Variants in ARAP2 observed in about 807,000 individuals in gnomAD.
ARAP2 encodes the protein ArfGAP with RhoGAP domain, ankyrin repeat and PH domain 2, also known as arf-GAP with Rho-GAP domain, ANK repeat and PH domain-containing protein 2.
In ARAP2, 148 loss-of-function variants were observed where a neutral mutation model predicts 194.5. The observed-to-expected ratio is 0.76, with a 90% CI of 0.67 to 0.87. The LOEUF (loss-of-function observed/expected upper bound fraction) is 0.87. ARAP2 is among the 40% of genes least tolerant of loss of function. The probability of loss-of-function intolerance (pLI) is 0.00; values close to 1 mark genes in which losing one functional copy is unlikely to be tolerated. For missense variants in ARAP2, 2,128 were observed against 1,989.7 expected (o/e 1.07, Z -1.32); for synonymous variants, 695 against 683.5 (o/e 1.02, Z -0.26).
chr4:36,075,537 T>C (rs748747983), intron 31 of ARAP2, among the ~76,000 whole-genome samples: 2 of 152,036 alleles, frequency 1.3e-5, no homozygotes, highest in Non-Finnish European at 2.9e-5. Flanking sequence ...CTAAATTTAG[T>C]TTCATTCATT....
At chr4:36,111,444 T>C (rs1284810377) in intron 26 of ARAP2, among the ~76,000 whole-genome samples, 1 of 151,992 alleles carries the variant, frequency 6.6e-6, no homozygotes, top group African/African-American at 2.4e-5. Context: ...CAATTTCTAC[T>C]TGTACAGTTG....
At chr4:36,200,931 A>T (rs896795868) in intron 6 of ARAP2, among the ~76,000 whole-genome samples, 2 of 152,242 alleles carry the variant, frequency 1.3e-5, no homozygotes, top group Admixed American at 6.5e-5. Context: ...ACAGGAAAAG[A>T]TAATGTATAC....
chr4:36,149,478 T>G (rs1018385412), intron 16 of ARAP2, among the ~76,000 whole-genome samples: 1 of 152,210 alleles, frequency 6.6e-6, no homozygotes, highest in Non-Finnish European at 1.5e-5. Context: ...CTCCAATGTG[T>G]TATTTGAGGC....
intron 5 of ARAP2, among the ~76,000 whole-genome samples, chr4:36,034,422 C>CT (rs1719556862): frequency 1.3e-5 from 2 of 151,968 alleles, no homozygotes; most frequent in African/African-American, 4.8e-5. Flanking sequence ...ATGGGATTGC[C>CT]TTCCTGATTT....
At chr4:36,105,777 C>T (rs910802611) in intron 27 of ARAP2, among the ~76,000 whole-genome samples, 2 of 151,958 alleles carry the variant, frequency 1.3e-5, no homozygotes, top group African/African-American at 4.8e-5. Flanking sequence ...CACCCTCAGA[C>T]ATACAGAACC....
intron 5 of ARAP2, among the ~76,000 whole-genome samples, chr4:36,031,988 T>G (rs767509196): frequency 6.6e-6 from 1 of 152,172 alleles, no homozygotes; most frequent in Non-Finnish European, 1.5e-5. Context: ...AACTGCTAAT[T>G]CATATTTTTT....
At position 36,150,871 on chromosome 4, in the gene ARAP2, A is replaced by T. The variant is rs1259926457; in HGVS notation, c.2897+29T>A. ...TTATAATTATCTGAAAATACCTTTT[A>T]CCTCCTAATTGTGTAATGACAGACC... On this transcript the variant is annotated intron_variant, in intron 16 of 32. Coordinates refer to ENST00000303965, the MANE Select transcript of ARAP2 (RefSeq NM_015230.4). 5 of 1,592,656 alleles carry T rather than the reference A, an allele frequency of 3.1e-6. No homozygotes were observed. The African/African-American group carries it at 4.1e-5, about 13-fold the overall frequency.
intron 19 of ARAP2, among the ~76,000 whole-genome samples, chr4:36,138,220 T>C (rs1463512261): frequency 1.3e-5 from 2 of 151,756 alleles, no homozygotes; most frequent in Non-Finnish European, 2.9e-5. Flanking sequence ...GAGTGATGTT[T>C]GGTCATTAGA....
intron 9 of ARAP2, among the ~76,000 whole-genome samples, chr4:36,168,988 C>T (rs933710174): frequency 3.9e-5 from 6 of 152,112 alleles, no homozygotes; most frequent in Admixed American, 3.9e-4. Flanking sequence ...CCCAATTATC[C>T]ACAGCTATAC....
intron 19 of ARAP2, among the ~76,000 whole-genome samples, chr4:36,136,921 C>A (rs115794130): frequency 0.029 from 904 of 31,488 alleles, 13 homozygotes; most frequent in African/African-American, 0.099. Context: ...CACACACATA[C>A]ACGCGCGCGC....
At chr4:36,011,148 T>C (rs1453411733) in intron 9 of ARAP2, among the ~76,000 whole-genome samples, 2 of 152,160 alleles carry the variant, frequency 1.3e-5, no homozygotes, top group Admixed American at 6.5e-5. Flanking sequence ...AAACCTACGA[T>C]GGACTTGTCT....
rs138399727 is a variant in ARAP2 at position 36,240,787 on chromosome 4, T to G, written c.-160+3392A>C. Among the ~76,000 whole-genome samples, 198 of 152,314 alleles carry G rather than the reference T, an allele frequency of 1.3e-3. 1 individual carries two copies. Among genetic ancestry groups the G allele is most frequent in the African/African-American group, 4.3e-3 (180 of 41,566 alleles). ...GGAGTAAGGATTGTCTAAGCTATGTTTTGATTATTTTACTTATAGCACAAT... is the reference window on the plus strand; with the variant it reads ...GGAGTAAGGATTGTCTAAGCTATGTGTTGATTATTTTACTTATAGCACAAT... On this transcript the variant is annotated intron_variant, in intron 1 of 32. Coordinates refer to ENST00000303965, the MANE Select transcript of ARAP2 (RefSeq NM_015230.4).
intron 5 of ARAP2, among the ~76,000 whole-genome samples, chr4:36,035,531 G>A (rs1282352366): frequency 6.6e-6 from 1 of 152,152 alleles, no homozygotes; most frequent in Non-Finnish European, 1.5e-5. Flanking sequence ...TATATGCCTA[G>A]TAATAAAATT....
At chr4:36,078,641 A>G (rs1261183808) in intron 31 of ARAP2, among the ~76,000 whole-genome samples, 1 of 152,186 alleles carries the variant, frequency 6.6e-6, no homozygotes. Context: ...ATTAGGCTAA[A>G]TCTTTGAGAC....
Position 36,166,968 on chromosome 4 carries a change from T to C in ARAP2, c.1937A>G (p.Gln646Arg), listed in dbSNP as rs150828757. The stretch of plus-strand genomic sequence containing the variant: ...GTAGGGAGTGATTATTTCAAAAGAT[T>C]GTTTCACAGTTCGGTCCACTTGCTT... ...NVKQVDRTVK[Q>R]SFEIITPYRS... The change falls in exon 10 of 33, where the codon CAA becomes CGA. Residue 646 changes from glutamine (Q) to arginine (R), a missense_variant. By Grantham distance (43) the Gln-to-Arg change is conservative (BLOSUM62 1). Transcript: ENST00000303965. The C allele has an allele frequency of 1.9e-6, 3 of 1,607,602 alleles. No homozygotes were observed. Among genetic ancestry groups the C allele is most frequent in the Non-Finnish European group, 2.5e-6 (3 of 1,177,564 alleles).
chr4:36,147,760 T>A lies in ARAP2; in HGVS notation c.3001-14A>T, dbSNP rs1203224173. 4 of 1,581,070 alleles carry A rather than the reference T, an allele frequency of 2.5e-6. No homozygotes were observed. The highest frequency in any genetic ancestry group is 1.8e-5 in the Admixed American group (1 of 54,130). The stretch of plus-strand genomic sequence containing the variant: ...GGGAACAAAATGCTGTTAAAACAAA[T>A]ACAAAAAAGTAATAAAGACAGTGAA... On this transcript the variant is annotated splice_polypyrimidine_tract_variant and intron_variant, in intron 17 of 32. Transcript: ENST00000303965.
At chr4:36,204,987 C>CAAAAAAAAAAAAAAAAAA (rs754960122) in intron 6 of ARAP2, among the ~76,000 whole-genome samples, 2 of 35,072 alleles carry the variant, frequency 5.7e-5, no homozygotes, top group African/African-American at 2.7e-4. Flanking sequence ...GACTCCATCT[C>CAAAAAAAAAAAAAAAAAA]AAAAAAAAAA....
intron 6 of ARAP2, among the ~76,000 whole-genome samples, chr4:36,197,267 C>T (rs1743319193): frequency 6.6e-6 from 1 of 152,156 alleles, no homozygotes; most frequent in Non-Finnish European, 1.5e-5. Flanking sequence ...GAATCCATTT[C>T]TGTTTCGTTC....
intron 28 of ARAP2, 42 bp from the exon 29 acceptor site, chr4:36,083,492 C>T (rs1327545194): frequency 3.0e-6 from 4 of 1,311,824 alleles, no homozygotes; most frequent in East Asian, 4.9e-5. Flanking sequence ...TGGATTTACA[C>T]ATTTCCTTAC....
Sources: allele counts gnomAD v4.1 joint callset (sites outside exome capture counted in the v4.1 genomes callset), GRCh38; gene constraint gnomAD v4.1.1; transcripts MANE v1.5; gene names NCBI Gene and HGNC (gene_info 2026-07-23, HGNC 2026-07-21).